NRG3: variants seen among roughly 807,000 people sequenced by gnomAD.
NRG3 encodes the protein pro-neuregulin-3, membrane-bound isoform.
Under a neutral mutation model 66.9 loss-of-function variants are expected in NRG3, and 31 were observed. The observed-to-expected ratio is 0.46, with a 90% CI of 0.35 to 0.63. NRG3 has a LOEUF of 0.63. Among genes scored for constraint, NRG3 ranks in the 20% least tolerant of loss-of-function variants. NRG3 has a pLI of 0.00. For synonymous variants in NRG3, 393 were observed against 359.4 expected, an observed-to-expected ratio of 1.09 and a Z score of -1.06; for missense variants, 910 against 878.9, an observed-to-expected ratio of 1.04 and a Z score of -0.45.
intron 4 of NRG3, among the ~76,000 whole-genome samples, chr10:82,881,791 C>G (rs1323225770): frequency 6.6e-6 from 1 of 152,128 alleles, no homozygotes; most frequent in Non-Finnish European, 1.5e-5. Context: ...TGATGTAACA[C>G]CCCACATATG....
At chr10:82,926,248 A>G (rs1471537696) in intron 4 of NRG3, among the ~76,000 whole-genome samples, 4 of 152,232 alleles carry the variant, frequency 2.6e-5, no homozygotes, top group Non-Finnish European at 5.9e-5. Context: ...GGAATGATTG[A>G]AAGTATATAG....
intron 1 of NRG3, among the ~76,000 whole-genome samples, chr10:82,059,563 A>G (rs1370094226): frequency 6.6e-6 from 1 of 152,194 alleles, no homozygotes; most frequent in Non-Finnish European, 1.5e-5. Context: ...TTTTTGAACT[A>G]GATATCTATT....
intron 1 of NRG3, among the ~76,000 whole-genome samples, chr10:81,953,633 A>T (rs1412310129): frequency 6.6e-6 from 1 of 152,206 alleles, no homozygotes; most frequent in African/African-American, 2.4e-5. Context: ...TCTTCCCAGA[A>T]TGTGAGTCAT....
intron 1 of NRG3, among the ~76,000 whole-genome samples, chr10:81,931,699 C>G (rs17725683): frequency 0.046 from 6,970 of 152,256 alleles, 164 homozygotes; most frequent in Non-Finnish European, 0.048. Context: ...AAACAAAACA[C>G]AATCAGATGA....
chr10:82,736,434 A>G (rs544807855), intron 2 of NRG3, among the ~76,000 whole-genome samples: 3 of 152,376 alleles, frequency 2.0e-5, no homozygotes, highest in Non-Finnish European at 2.9e-5. Context: ...CTGGGTGTCA[A>G]TTAGCAGTGA....
intron 1 of NRG3, among the ~76,000 whole-genome samples, chr10:82,277,502 A>G (rs913788065): frequency 6.6e-6 from 1 of 152,130 alleles, no homozygotes; most frequent in African/African-American, 2.4e-5. Context: ...CTTGGGGGAT[A>G]GATAATAATA....
intron 3 of NRG3, among the ~76,000 whole-genome samples, chr10:82,802,786 G>A (rs2061101986): frequency 1.3e-5 from 2 of 151,960 alleles, no homozygotes; most frequent in Admixed American, 1.3e-4. Context: ...CTAAGTAGCT[G>A]GGACTACAGG....
intron 1 of NRG3, among the ~76,000 whole-genome samples, chr10:82,180,438 A>AT (rs1233849192): frequency 1.3e-5 from 2 of 151,548 alleles, no homozygotes; most frequent in East Asian, 3.9e-4. Flanking sequence ...TTGTTGAGTG[A>AT]TTTTATTATG....
chr10:82,409,068 T>C (rs1291770274), intron 2 of NRG3, among the ~76,000 whole-genome samples: 1 of 152,148 alleles, frequency 6.6e-6, no homozygotes, highest in Non-Finnish European at 1.5e-5. Flanking sequence ...TTTAAGAAGT[T>C]TAGGCCTTTT....
intron 2 of NRG3, among the ~76,000 whole-genome samples, chr10:82,632,725 T>C (rs1349632506): frequency 6.6e-6 from 1 of 152,224 alleles, no homozygotes; most frequent in Non-Finnish European, 1.5e-5. Flanking sequence ...ATCATAGTAA[T>C]ATAAATCGTC....
intron 4 of NRG3, among the ~76,000 whole-genome samples, chr10:82,890,854 T>C (rs1413047970): frequency 2.2e-4 from 33 of 152,190 alleles, no homozygotes; most frequent in Admixed American, 2.2e-3. Flanking sequence ...ATTTTGTGTG[T>C]AGTGATATCT....
intron 2 of NRG3, among the ~76,000 whole-genome samples, chr10:82,597,622 C>CT (rs1279902463): frequency 1.3e-5 from 2 of 152,206 alleles, no homozygotes; most frequent in Admixed American, 1.3e-4. Flanking sequence ...TTCTTATGTG[C>CT]TCTTAAAAGC....
intron 2 of NRG3, among the ~76,000 whole-genome samples, chr10:82,649,339 T>G (rs917839687): frequency 6.6e-6 from 1 of 152,098 alleles, no homozygotes; most frequent in African/African-American, 2.4e-5. Flanking sequence ...GGATTTATAA[T>G]TGCAAACTTT....
intron 1 of NRG3, among the ~76,000 whole-genome samples, chr10:82,219,160 T>C (rs12265953): frequency 0.059 from 8,989 of 151,208 alleles, 348 homozygotes; most frequent in African/African-American, 0.11. Flanking sequence ...AGTATATATA[T>C]GTCAATCTAA....
chr10:82,132,516 G>GATT (rs71007297), intron 1 of NRG3, among the ~76,000 whole-genome samples: 1 of 11,842 alleles, frequency 8.4e-5, no homozygotes, highest in Non-Finnish European at 2.0e-4. Flanking sequence ...ATATATATAT[G>GATT]ATATATATGA....
At chr10:82,828,326 C>A (rs1011621982) in intron 3 of NRG3, among the ~76,000 whole-genome samples, 1 of 152,224 alleles carries the variant, frequency 6.6e-6, no homozygotes, top group Admixed American at 6.5e-5. Context: ...ACATTGCTTA[C>A]TTCTGCCCCC....
intron 1 of NRG3, among the ~76,000 whole-genome samples, chr10:82,155,574 G>A (rs936063196): frequency 6.7e-6 from 1 of 149,098 alleles, no homozygotes; most frequent in African/African-American, 2.5e-5. Flanking sequence ...GTAATAAAAA[G>A]GGTATGGCTT....
intron 1 of NRG3, among the ~76,000 whole-genome samples, chr10:82,043,057 T>A (rs2063116428): frequency 6.6e-6 from 1 of 152,026 alleles, no homozygotes; most frequent in African/African-American, 2.4e-5. Flanking sequence ...TGTATGAGAA[T>A]CTGTAGCAGT....
At chr10:82,204,598 G>C (rs35988252) in intron 1 of NRG3, among the ~76,000 whole-genome samples, 4,986 of 152,280 alleles carry the variant, frequency 0.033, 112 homozygotes, top group Middle Eastern at 0.061. Flanking sequence ...CTGGAATCTA[G>C]TTTCTTCATT....
Sources: allele counts gnomAD v4.1 joint callset (sites outside exome capture counted in the v4.1 genomes callset), GRCh38; gene constraint gnomAD v4.1.1; transcripts MANE v1.5; gene names NCBI Gene and HGNC (gene_info 2026-07-23, HGNC 2026-07-21).